GIPC2: variants seen among roughly 807,000 people sequenced by gnomAD.
GIPC2 encodes GIPC PDZ domain containing family member 2.
In GIPC2, 30 loss-of-function variants were observed where a neutral mutation model predicts 30.6. The ratio of observed to expected loss-of-function variants is 0.98; its 90% CI spans 0.73 to 1.33. The LOEUF is 1.33. Among genes scored for constraint, GIPC2 ranks in the 40% most tolerant of loss-of-function variants. GIPC2 has a pLI of 0.00. For missense variants in GIPC2, 414 were observed against 390.3 expected (o/e 1.06, Z -0.51); for synonymous variants, 167 against 150.0 (o/e 1.11, Z -0.83).
At chr1:78,058,104 C>T (rs917914758) in intron 1 of GIPC2, among the ~76,000 whole-genome samples, 5 of 152,142 alleles carry the variant, frequency 3.3e-5, no homozygotes, top group Non-Finnish European at 7.3e-5. Flanking sequence ...TACTCTTAAA[C>T]CTCCCTTCTG....
At chr1:78,058,124 A>C (rs949423526) in intron 1 of GIPC2, among the ~76,000 whole-genome samples, 3 of 152,148 alleles carry the variant, frequency 2.0e-5, no homozygotes, top group Non-Finnish European at 2.9e-5. Flanking sequence ...GTTTGGAAGC[A>C]TGGAATTATA....
At chr1:78,109,976 G>T (rs901491694) in intron 3 of GIPC2, among the ~76,000 whole-genome samples, 1 of 149,746 alleles carries the variant, frequency 6.7e-6, no homozygotes, top group Non-Finnish European at 1.5e-5. Flanking sequence ...TCGTAGGTGG[G>T]AATTGAACAA....
chr1:78,116,530 G>A (rs960550025), intron 3 of GIPC2, among the ~76,000 whole-genome samples: 5 of 143,894 alleles, frequency 3.5e-5, no homozygotes, highest in Admixed American at 1.4e-4. Flanking sequence ...AACAGGCCCC[G>A]GTGTGTGATG....
rs562893758 is a variant in GIPC2 at position 78,116,852 on chromosome 1, A to G, written c.608-2541A>G. On this transcript the variant is annotated intron_variant, in intron 3 of 5. Coordinates refer to ENST00000370759, the MANE Select transcript of GIPC2 (RefSeq NM_017655.6). ...TGTCTTTATAGCAGCATGATTTATAATCCTTTGGGTATATACCCAGTAATG... is the reference window on the plus strand; with the variant it reads ...TGTCTTTATAGCAGCATGATTTATAGTCCTTTGGGTATATACCCAGTAATG... 2.7e-3 allele frequency among the ~76,000 whole-genome samples: 413 copies of G among 152,288 alleles called. 1 individual carries two copies. The highest frequency in any genetic ancestry group is 4.4e-3 in the Non-Finnish European group (296 of 68,020).
intron 4 of GIPC2, among the ~76,000 whole-genome samples, chr1:78,120,847 A>G (rs1662667990): frequency 6.6e-6 from 1 of 152,216 alleles, no homozygotes; most frequent in Non-Finnish European, 1.5e-5. Flanking sequence ...TATGGGAGCT[A>G]CAATTCAAGA....
chr1:78,129,856 A>G (rs1383882313), intron 5 of GIPC2, among the ~76,000 whole-genome samples: 1 of 152,202 alleles, frequency 6.6e-6, no homozygotes, highest in Admixed American at 6.5e-5. Context: ...AATTTAGGAG[A>G]TCATCCAAGC....
intron 1 of GIPC2, among the ~76,000 whole-genome samples, chr1:78,050,206 G>A (rs553169220): frequency 3.3e-5 from 5 of 151,872 alleles, no homozygotes; most frequent in Non-Finnish European, 7.4e-5. Context: ...CCGGTTCCAA[G>A]TCTATTACAT....
chr1:78,125,375 A>C (rs1422661239), intron 4 of GIPC2, among the ~76,000 whole-genome samples: 4 of 152,054 alleles, frequency 2.6e-5, no homozygotes, highest in Non-Finnish European at 4.4e-5. Flanking sequence ...TTTTTTGTAG[A>C]GATGGAGTCT....
intron 2 of GIPC2, among the ~76,000 whole-genome samples, chr1:78,091,070 A>C (rs1557539240): frequency 6.6e-6 from 1 of 152,224 alleles, no homozygotes; most frequent in African/African-American, 2.4e-5. Flanking sequence ...TGGGTTCTAT[A>C]CCTTTTTTAA....
At chr1:78,100,902 C>T (rs1662233461) in intron 3 of GIPC2, among the ~76,000 whole-genome samples, 1 of 142,236 alleles carries the variant, frequency 7.0e-6, no homozygotes, top group African/African-American at 2.7e-5. Flanking sequence ...TGCACTCCAG[C>T]CTGGGCAACA....
At chr1:78,053,491 G>A (rs1391857148) in intron 1 of GIPC2, among the ~76,000 whole-genome samples, 2 of 152,146 alleles carry the variant, frequency 1.3e-5, no homozygotes, top group African/African-American at 2.4e-5. Flanking sequence ...ATAAACTGCA[G>A]GTGAGAATCC....
At chr1:78,053,435 C>T (rs949114152) in intron 1 of GIPC2, among the ~76,000 whole-genome samples, 19 of 152,120 alleles carry the variant, frequency 1.2e-4, no homozygotes, top group Non-Finnish European at 2.9e-5. Context: ...TTTCTGAAAC[C>T]CCCAGGATTT....
chr1:78,053,683 A>T (rs1661236548), intron 1 of GIPC2, among the ~76,000 whole-genome samples: 1 of 150,994 alleles, frequency 6.6e-6, no homozygotes, highest in Non-Finnish European at 1.5e-5. Context: ...GAGAAGGGAG[A>T]ATCCTTGAAG....
At chr1:78,090,996 C>T (rs927323632) in intron 2 of GIPC2, among the ~76,000 whole-genome samples, 1 of 152,128 alleles carries the variant, frequency 6.6e-6, no homozygotes, top group African/African-American at 2.4e-5. Context: ...TTTCAGAGTT[C>T]AAAGGTGATA....
intron 3 of GIPC2, chr1:78,112,515 T>G (rs1212380095): frequency 1.9e-6 from 1 of 518,856 alleles, no homozygotes; most frequent in African/African-American, 1.9e-5. Context: ...CCAGGCCCCA[T>G]AGGTGCTGCT....
intron 1 of GIPC2, among the ~76,000 whole-genome samples, chr1:78,077,994 C>G (rs565847694): frequency 6.6e-6 from 1 of 151,568 alleles, no homozygotes; most frequent in Admixed American, 6.6e-5. Context: ...CGAGACCATC[C>G]CGGCTAAAAC....
rs1436148616 is a variant in GIPC2 at position 78,092,061 on chromosome 1, T to C, written c.427-2891T>C. On this transcript the variant is annotated intron_variant, in intron 2 of 5. Coordinates refer to ENST00000370759, the MANE Select transcript of GIPC2 (RefSeq NM_017655.6). Reference sequence around the variant, plus strand: ...CTGTCTACTGGCTCCAAGTAGACCATGTCAGCTTCACCCCCCGGCTTTGTG... The same window carrying C: ...CTGTCTACTGGCTCCAAGTAGACCACGTCAGCTTCACCCCCCGGCTTTGTG... 4.6e-6 allele frequency: 7 copies of C among 1,523,796 alleles called. No individual in the cohort carries two copies. In the African/African-American group the frequency reaches 8.2e-5, roughly 18 times the overall value. The allele number at this position is 1,523,796 out of a possible 1,614,324, so 94.4% of individuals were successfully genotyped here.
rs1357860023 is a variant in GIPC2, at chr1:78,082,945, C to CAT, written c.426+2099_426+2100dup. ...TTTTTTGTTCTGTCTCATACACACA[C>CAT]ATATATATATATATACTCTTTACCC... On this transcript the variant is annotated intron_variant, in intron 2 of 5. Transcript: ENST00000370759. Among the ~76,000 whole-genome samples the CAT allele has an allele frequency of 1.7e-3, 134 of 78,078 alleles. 1 individual carries two copies. Among genetic ancestry groups the CAT allele is most frequent in the Middle Eastern group, 6.4e-3 (1 of 156 alleles). 51.2% of individuals were successfully genotyped at this position (78,078 alleles called of 152,430 possible).
chr1:78,103,417 A>C (rs746123940), intron 3 of GIPC2, among the ~76,000 whole-genome samples: 4 of 152,126 alleles, frequency 2.6e-5, no homozygotes, highest in Non-Finnish European at 5.9e-5. Context: ...TTGAGGATGA[A>C]ATGAGTTAAT....
Sources: gnomAD v4.1 joint callset for allele counts (sites outside exome capture counted in the v4.1 genomes callset) on GRCh38, gnomAD v4.1.1 for gene constraint, MANE v1.5 for transcripts, NCBI Gene and HGNC (gene_info 2026-07-23, HGNC 2026-07-21) for gene names.